The following PCDHA9 variants were observed in gnomAD, a reference collection of about 807,000 sequenced individuals.
PCDHA9 encodes protocadherin alpha 9.
Under a neutral mutation model 62.0 loss-of-function variants are expected in PCDHA9, and 62 were observed. The ratio of observed to expected loss-of-function variants is 1.00; its 90% CI spans 0.81 to 1.23. The LOEUF is 1.23. Among genes scored for constraint, PCDHA9 ranks in the 50% most tolerant of loss-of-function variants. The probability of loss-of-function intolerance (pLI) is 0.00; values close to 1 mark genes in which losing one functional copy is unlikely to be tolerated. For synonymous variants in PCDHA9, 557 were observed against 567.6 expected (o/e 0.98, Z 0.27); for missense variants, 1,205 against 1,249.8 (o/e 0.96, Z 0.54).
At chr5:140,960,785 A>C (rs1452809407) in intron 1 of PCDHA9, among the ~76,000 whole-genome samples, 2 of 152,200 alleles carry the variant, frequency 1.3e-5, no homozygotes, top group Admixed American at 1.3e-4. Context: ...AGGGCCAAAC[A>C]AGGTTTCTAT....
At chr5:140,906,487 CA>C (rs1346198597) in intron 1 of PCDHA9, among the ~76,000 whole-genome samples, 1 of 152,180 alleles carries the variant, frequency 6.6e-6, no homozygotes, top group Non-Finnish European at 1.5e-5. Context: ...TATAAATGCA[CA>C]AACATGTTTT....
At chr5:140,996,832 T>G (rs1338616787) in intron 3 of PCDHA9, among the ~76,000 whole-genome samples, 1 of 152,212 alleles carries the variant, frequency 6.6e-6, no homozygotes, top group African/African-American at 2.4e-5. Flanking sequence ...TACCAATAAT[T>G]TAGCGTGCAT....
At chr5:140,948,018 T>A (rs1308826509) in intron 1 of PCDHA9, among the ~76,000 whole-genome samples, 1 of 151,290 alleles carries the variant, frequency 6.6e-6, no homozygotes, top group Non-Finnish European at 1.5e-5. Context: ...GAAGTACCCT[T>A]TCTGGTTTGC....
chr5:140,889,077 T>G (rs1476404733), intron 1 of PCDHA9, among the ~76,000 whole-genome samples: 1 of 152,076 alleles, frequency 6.6e-6, no homozygotes, highest in Non-Finnish European at 1.5e-5. Flanking sequence ...CTTATTTTGT[T>G]AAATTTTCAA....
intron 1 of PCDHA9, chr5:140,855,976 G>C: frequency 6.9e-7 from 1 of 1,448,118 alleles, no homozygotes; most frequent in Non-Finnish European, 9.3e-7. Context: ...TAAGAAATAG[G>C]ACAGAAAATG....
intron 1 of PCDHA9, among the ~76,000 whole-genome samples, chr5:140,971,037 TA>T (rs2096453416): frequency 1.3e-5 from 2 of 152,200 alleles, no homozygotes; most frequent in Admixed American, 6.5e-5. Context: ...TGAAAGCACG[TA>T]AAAGGGTTTA....
chr5:140,923,865 A>G (rs1422887617), intron 1 of PCDHA9, among the ~76,000 whole-genome samples: 1 of 152,226 alleles, frequency 6.6e-6, no homozygotes, highest in Non-Finnish European at 1.5e-5. Flanking sequence ...GGGAAGCCAA[A>G]AATCTGAGAA....
chr5:140,900,022 T>C (rs1554188836), intron 1 of PCDHA9, among the ~76,000 whole-genome samples: 1 of 152,044 alleles, frequency 6.6e-6, no homozygotes, highest in African/African-American at 2.4e-5. Flanking sequence ...GTTACCCAGT[T>C]TGGCCTTGAA....
intron 1 of PCDHA9, among the ~76,000 whole-genome samples, chr5:140,970,399 G>A (rs2096402631): frequency 6.6e-6 from 1 of 152,172 alleles, no homozygotes; most frequent in Non-Finnish European, 1.5e-5. Flanking sequence ...AAAGTGGATG[G>A]CTTACCCTAC....
chr5:140,921,587 A>G (rs970982898), intron 1 of PCDHA9, among the ~76,000 whole-genome samples: 2 of 152,228 alleles, frequency 1.3e-5, no homozygotes, highest in Non-Finnish European at 2.9e-5. Context: ...ATACTATATT[A>G]TGGTTTCAAA....
Position 140,851,725 on chromosome 5 carries a change from G to A in PCDHA9, c.2394+836G>A. On this transcript the variant is annotated intron_variant, in intron 1 of 3. Coordinates refer to ENST00000532602, the MANE Select transcript of PCDHA9 (RefSeq NM_031857.2). The stretch of plus-strand genomic sequence containing the variant: ...GCCATGTGAAGATTCGAAACTTCGA[G>A]TTCTTTTGAAATTCAGAGTCTGTAA... 2.1e-6 allele frequency: 2 copies of A among 968,614 alleles called. 1 individual carries two copies. The highest frequency in any genetic ancestry group is 9.6e-5 in the South Asian group (2 of 20,926). The allele number at this position is 968,614 out of a possible 1,614,324, so 60.0% of individuals were successfully genotyped here.
chr5:140,967,460 G>A, intron 1 of PCDHA9: 1 of 1,613,538 alleles, frequency 6.2e-7, no homozygotes, highest in Non-Finnish European at 8.5e-7. Context: ...AGCCGTGGAT[G>A]GGGGCATCCC....
rs78358581 is a variant in PCDHA9 at position 140,924,264 on chromosome 5, T to G, written c.2395-54685T>G. 2.9e-3 allele frequency among the ~76,000 whole-genome samples: 442 copies of G among 152,342 alleles called. 1 individual carries two copies. Among genetic ancestry groups the G allele is most frequent in the African/African-American group, 0.01 (423 of 41,584 alleles). On this transcript the variant is annotated intron_variant, in intron 1 of 3. Coordinates refer to ENST00000532602, the MANE Select transcript of PCDHA9 (RefSeq NM_031857.2). Reference sequence around the variant, plus strand: ...TGCATCCTGGTGAGATCTAATGAGGTCTGTACTTGTGACTACCTAATAGGC... The same window carrying G: ...TGCATCCTGGTGAGATCTAATGAGGGCTGTACTTGTGACTACCTAATAGGC...
intron 1 of PCDHA9, chr5:140,882,107 A>C: frequency 7.3e-7 from 1 of 1,367,220 alleles, no homozygotes; most frequent in Non-Finnish European, 9.8e-7. Flanking sequence ...TTCCGCGAAG[A>C]AAGCCGCCGT....
In PCDHA9 at chr5:140,937,196, C is replaced by G. The variant is rs915023517; in HGVS notation, c.2395-41753C>G. On this transcript the variant is annotated intron_variant, in intron 1 of 3. Transcript: ENST00000532602. ...GGGACTACAGGCGCCCGCCACCATG[C>G]CCGGCTAATTTTTTGTATTTTTTGT... Among the ~76,000 whole-genome samples, 5 of 152,108 alleles carry G rather than the reference C, an allele frequency of 3.3e-5. No homozygotes were observed. In the East Asian group the frequency reaches 7.8e-4, roughly 24 times the overall value.
chr5:141,000,279 G>A (rs528257063), intron 3 of PCDHA9, among the ~76,000 whole-genome samples: 60 of 151,092 alleles, frequency 4.0e-4, no homozygotes, highest in Middle Eastern at 3.4e-3. Context: ...GGAGGCAGAG[G>A]TGGGAATATT....
intron 3 of PCDHA9, among the ~76,000 whole-genome samples, chr5:140,997,565 A>G (rs552009994): frequency 6.6e-6 from 1 of 152,292 alleles, no homozygotes; most frequent in South Asian, 2.1e-4. Flanking sequence ...CAACTGTCAT[A>G]TGTGTGGTCC....
intron 1 of PCDHA9, chr5:140,871,052 T>C (rs981101486): frequency 6.2e-7 from 1 of 1,613,156 alleles, no homozygotes; most frequent in Non-Finnish European, 8.5e-7. Flanking sequence ...CTAGTACTGG[T>C]GAAGGATCAC....
At chr5:140,882,920 G>C (rs2059362328) in intron 1 of PCDHA9, 1 of 1,614,090 alleles carries the variant, frequency 6.2e-7, no homozygotes. Flanking sequence ...CAGTGATGGA[G>C]GTAAACCCGA....
Sources: allele counts gnomAD v4.1 joint callset (sites outside exome capture counted in the v4.1 genomes callset), GRCh38; gene constraint gnomAD v4.1.1; transcripts MANE v1.5; gene names NCBI Gene and HGNC (gene_info 2026-07-23, HGNC 2026-07-21).